Variants in GRAP2 observed in about 807,000 individuals in gnomAD.
The protein encoded by GRAP2 is GRB2-related adapter protein 2.
In GRAP2, 31 loss-of-function variants were observed where a neutral mutation model predicts 43.5. The ratio of observed to expected loss-of-function variants is 0.71; its 90% CI spans 0.54 to 0.96. GRAP2 has a LOEUF of 0.96. GRAP2 is among the 40% of genes least tolerant of loss of function. GRAP2 has a pLI of 0.00. For synonymous variants in GRAP2, 156 were observed against 164.8 expected (o/e 0.95, Z 0.41); for missense variants, 371 against 424.4 (o/e 0.87, Z 1.11).
chr22:39,966,257 T>A (rs1460963355), intron 5 of GRAP2, 99 bp downstream of exon 5: 3 of 856,080 alleles, frequency 3.5e-6, no homozygotes, highest in East Asian at 2.5e-5. Flanking sequence ...GTAGATCCTC[T>A]GAGTATACTG....
In GRAP2 at chr22:39,901,091, A is replaced by C. The variant is rs575709267; in HGVS notation, c.-254A>C. The C allele has an allele frequency of 1.2e-4, 44 of 380,244 alleles. No homozygotes were observed. The highest frequency in any genetic ancestry group is 8.8e-4 in the African/African-American group (42 of 47,754). The allele number at this position is 380,244 out of a possible 1,614,324, so 23.6% of individuals were successfully genotyped here. Reference sequence around the variant, plus strand: ...CCTGTGTGGTTTGCCTACAGACTGCAGGGCTGACTAGGGTTAGTTTGGAGG... The same window carrying C: ...CCTGTGTGGTTTGCCTACAGACTGCCGGGCTGACTAGGGTTAGTTTGGAGG... On this transcript the variant is annotated 5_prime_UTR_variant, in exon 1 of 8. Coordinates refer to ENST00000344138, the MANE Select transcript of GRAP2 (RefSeq NM_004810.4).
At chr22:39,938,593 C>T (rs975987519) in intron 1 of GRAP2, among the ~76,000 whole-genome samples, 2 of 152,182 alleles carry the variant, frequency 1.3e-5, no homozygotes, top group South Asian at 2.1e-4. Flanking sequence ...GCAGGTAAAG[C>T]CACCCTCACA....
the GRAP2 span, among the ~76,000 whole-genome samples, chr22:39,895,260 A>G: frequency 6.6e-6 from 1 of 152,210 alleles, no homozygotes. Flanking sequence ...TTAGTAGACA[A>G]AAGCAACATT....
At chr22:39,964,461 C>A in intron 4 of GRAP2, 1 of 1,013,064 alleles carries the variant, frequency 9.9e-7, no homozygotes, top group East Asian at 2.5e-5. Context: ...AGAAGGCTTT[C>A]AAGCAGAAAC....
At chr22:39,949,886 A>T (rs917469773) in intron 2 of GRAP2, among the ~76,000 whole-genome samples, 2 of 152,082 alleles carry the variant, frequency 1.3e-5, no homozygotes, top group South Asian at 2.1e-4. Flanking sequence ...TCCTTCACTC[A>T]TTCTTCTTAC....
intron 1 of GRAP2, among the ~76,000 whole-genome samples, chr22:39,912,790 G>A (rs991714950): frequency 5.3e-5 from 8 of 152,294 alleles, no homozygotes; most frequent in African/African-American, 1.4e-4. Flanking sequence ...GAGTGATGGT[G>A]GTGGGGTTGT....
intron 1 of GRAP2, among the ~76,000 whole-genome samples, chr22:39,915,210 A>G (rs2066594667): frequency 6.6e-6 from 1 of 151,602 alleles, no homozygotes; most frequent in African/African-American, 2.4e-5. Flanking sequence ...AAAAAAGAAA[A>G]GAAAAAAAAG....
intron 2 of GRAP2, among the ~76,000 whole-genome samples, chr22:39,955,247 A>G (rs990991659): frequency 6.6e-6 from 1 of 152,094 alleles, no homozygotes; most frequent in Non-Finnish European, 1.5e-5. Context: ...AATCCCAGCT[A>G]CTCAGGAGGC....
At chr22:39,944,616 C>T (rs1321286003) in intron 1 of GRAP2, among the ~76,000 whole-genome samples, 1 of 152,112 alleles carries the variant, frequency 6.6e-6, no homozygotes, top group Non-Finnish European at 1.5e-5. Flanking sequence ...TTTGCCATAC[C>T]GCCTACCTCC....
At position 39,955,874 on chromosome 22, in the gene GRAP2, A is replaced by G; in HGVS notation, c.134A>G (p.Tyr45Cys). 3 of 1,586,846 alleles carry G rather than the reference A, an allele frequency of 1.9e-6. No homozygotes were observed. Among genetic ancestry groups the G allele is most frequent in the Non-Finnish European group, 2.6e-6 (3 of 1,155,246 alleles). ...GCGGAGCTTGGGAGCCAGGAAGGAT[A>G]TGTGCCCAAGAATTTCATAGACATC... is the stretch of plus-strand genomic sequence containing the variant. ...FKAELGSQEG[Y>C]VPKNFIDIQF... Residue 45 changes from tyrosine to cysteine, a missense_variant, in exon 3 of 8, where the codon TAT (tyrosine) becomes TGT (cysteine). Tyr to Cys is a radical substitution (Grantham distance 194). Transcript: ENST00000344138.
At chr22:39,940,244 A>G (rs1340457040) in intron 1 of GRAP2, among the ~76,000 whole-genome samples, 1 of 152,204 alleles carries the variant, frequency 6.6e-6, no homozygotes. Context: ...CAACATGACC[A>G]GCTGATTAAC....
intron 1 of GRAP2, among the ~76,000 whole-genome samples, chr22:39,920,999 T>A (rs115289577): frequency 1.8e-3 from 268 of 150,216 alleles, no homozygotes; most frequent in African/African-American, 6.2e-3. Flanking sequence ...CAATCTGATG[T>A]AACGACCTCA....
chr22:39,940,756 C>G (rs2066860181), intron 1 of GRAP2, among the ~76,000 whole-genome samples: 1 of 152,114 alleles, frequency 6.6e-6, no homozygotes, highest in Non-Finnish European at 1.5e-5. Context: ...AAGCATCAGA[C>G]AGTGTGTAGG....
intron 4 of GRAP2, among the ~76,000 whole-genome samples, chr22:39,965,381 A>AAAAC (rs1261530541): frequency 2.6e-5 from 4 of 152,246 alleles, no homozygotes; most frequent in Admixed American, 1.3e-4. Flanking sequence ...TCAAAAAAAC[A>AAAAC]AAACAAACAA....
chr22:39,942,379 A>C (rs2066880150), intron 1 of GRAP2, among the ~76,000 whole-genome samples: 1 of 152,128 alleles, frequency 6.6e-6, no homozygotes, highest in African/African-American at 2.4e-5. Context: ...AGCTGGTATA[A>C]TTTTACATTT....
Position 39,968,164 on chromosome 22 carries a change from C to G in GRAP2, c.582C>G (p.Pro194=), listed in dbSNP as rs1334430577. The change falls in exon 6 of 8, where the codon CCC becomes CCG. Residue 194 remains proline, a synonymous_variant. Transcript: ENST00000344138. The stretch of plus-strand genomic sequence containing the variant: ...TGTCGGATCACCCCCCGACCCTTCC[C>G]CTGCAGCAGCACCAGCACCAGCCAC... ...RKLSDHPPTL[P]LQQHQHQPQP... is the part of the protein sequence containing the mutation. 2.5e-6 allele frequency: 4 copies of G among 1,609,150 alleles called. No homozygotes were observed. The highest frequency in any genetic ancestry group is 3.4e-6 in the Non-Finnish European group (4 of 1,177,866).
chr22:39,910,554 G>A (rs562721946), intron 1 of GRAP2, among the ~76,000 whole-genome samples: 20 of 151,496 alleles, frequency 1.3e-4, no homozygotes, highest in Non-Finnish European at 2.4e-4. Context: ...GATTACAGGC[G>A]CCCGCCACCA....
intron 2 of GRAP2, among the ~76,000 whole-genome samples, chr22:39,949,557 A>T (rs1285037392): frequency 1.3e-5 from 2 of 152,150 alleles, no homozygotes; most frequent in Non-Finnish European, 2.9e-5. Context: ...TCTCTTCTTC[A>T]CCAGAAAGGA....
chr22:39,941,281 C>T (rs2066867700), intron 1 of GRAP2, among the ~76,000 whole-genome samples: 2 of 152,148 alleles, frequency 1.3e-5, no homozygotes, highest in Admixed American at 1.3e-4. Flanking sequence ...TCAGAGTCTA[C>T]GCATTAATAC....
Sources: gnomAD v4.1 joint callset for allele counts (sites outside exome capture counted in the v4.1 genomes callset) on GRCh38, gnomAD v4.1.1 for gene constraint, MANE v1.5 for transcripts, NCBI Gene and HGNC (gene_info 2026-07-23, HGNC 2026-07-21) for gene names.